Variants in NFKBIB observed in about 807,000 individuals in gnomAD.
The protein encoded by NFKBIB is NF-kappa-B inhibitor beta.
A neutral mutation model predicts 32.1 loss-of-function variants in NFKBIB; 16 were observed. That is an observed-to-expected ratio of 0.50 (90% confidence interval 0.34 to 0.76). NFKBIB has a LOEUF of 0.76. Ranked by LOEUF, NFKBIB falls within the 30% of genes least tolerant of loss-of-function variation. The pLI is 0.01. For missense variants in NFKBIB, 437 were observed against 514.9 expected, an observed-to-expected ratio of 0.85 and a Z score of 1.46; for synonymous variants, 222 against 219.5, an observed-to-expected ratio of 1.01 and a Z score of -0.10.
At chr19:38,906,626 T>C (rs975505238) in intron 3 of NFKBIB, among the ~76,000 whole-genome samples, 1 of 151,804 alleles carries the variant, frequency 6.6e-6, no homozygotes, top group African/African-American at 2.4e-5. Context: ...CCCGCCACCA[T>C]GCCCAGCTAA....
Position 38,907,572 on chromosome 19 carries a change from T to G in NFKBIB, c.882T>G (p.Arg294=), listed in dbSNP as rs1427045539. The G allele has an allele frequency of 6.2e-7, 1 of 1,612,506 alleles. No homozygotes were observed. The highest frequency in any genetic ancestry group is 1.1e-5 in the South Asian group (1 of 91,044). The part of the protein sequence containing the change: ...RPNPILARLL[R]AHGAPEPEGE... ...ACCCCATCCTCGCCCGCCTCCTCCG[T>G]GCACACGGAGCCCCTGAGCCCGAGG... Residue 294 remains arginine (R), a synonymous_variant, in exon 5 of 6, where the codon CGT becomes CGG. Coordinates refer to ENST00000313582, the MANE Select transcript of NFKBIB (RefSeq NM_002503.5).
intron 1 of NFKBIB, among the ~76,000 whole-genome samples, chr19:38,901,729 G>A (rs893276007): frequency 1.3e-5 from 2 of 152,050 alleles, no homozygotes; most frequent in African/African-American, 2.4e-5. Context: ...CTGACCTCAG[G>A]TGATCCACCC....
At position 38,900,156 on chromosome 19, in the gene NFKBIB, C is replaced by T; in HGVS notation, c.124C>T (p.Pro42Ser). The T allele has an allele frequency of 6.2e-7, 1 of 1,601,026 alleles. No homozygotes were observed. The highest frequency in any genetic ancestry group is 1.1e-5 in the South Asian group (1 of 88,576). The change falls in exon 1 of 6, where the codon CCG becomes TCG. Residue 42 changes from proline to serine, a missense_variant. Pro to Ser is a moderately conservative substitution (Grantham distance 74, BLOSUM62 -1). Transcript: ENST00000313582. Reference protein sequence around the residue: ...GGPGLGAELGPGLSWAPLVFG... With the variant: ...GGPGLGAELGSGLSWAPLVFG... Reference sequence around the variant, plus strand: ...ACCTGGGTTGGGCGCGGAGTTGGGCCCGGGGCTGTCGTGGGCTCCCCTCGT... The same window carrying T: ...ACCTGGGTTGGGCGCGGAGTTGGGCTCGGGGCTGTCGTGGGCTCCCCTCGT...
intron 3 of NFKBIB, among the ~76,000 whole-genome samples, chr19:38,906,519 G>C (rs1355360886): frequency 1.4e-5 from 2 of 141,952 alleles, no homozygotes; most frequent in Non-Finnish European, 3.0e-5. Flanking sequence ...GCCCAGGCTG[G>C]AGTGCAGTGG....
At position 38,907,309 on chromosome 19, in the gene NFKBIB, G is replaced by A. The variant is rs1471237670; in HGVS notation, c.708G>A (p.Pro236=). 4 of 1,612,582 alleles carry A rather than the reference G, an allele frequency of 2.5e-6. No individual in the cohort carries two copies. The highest frequency in any genetic ancestry group is 1.7e-5 in the Admixed American group (1 of 59,980). Residue 236 remains proline (P), a splice_region_variant and synonymous_variant, in exon 4 of 6, where the codon CCG becomes CCA. Coordinates refer to ENST00000313582, the MANE Select transcript of NFKBIB (RefSeq NM_002503.5). ...LRDAGADLDK[P]EPTCGRSPLH... Reference sequence around the variant, plus strand: ...ATGCTGGAGCTGACCTTGACAAACCGGTGAGCCCCAACCTCGGGGAAGATG... The same window carrying A: ...ATGCTGGAGCTGACCTTGACAAACCAGTGAGCCCCAACCTCGGGGAAGATG...
At chr19:38,903,233 A>G (rs1974021218) in intron 1 of NFKBIB, among the ~76,000 whole-genome samples, 1 of 152,170 alleles carries the variant, frequency 6.6e-6, no homozygotes, top group African/African-American at 2.4e-5. Flanking sequence ...ATCATGGGCT[A>G]CCTTAAAGTG....
chr19:38,907,715 G>C lies in NFKBIB; in HGVS notation c.969+56G>C, dbSNP rs1000176229. The C allele has an allele frequency of 4.6e-6, 7 of 1,507,394 alleles. No homozygotes were observed. In the Admixed American group the frequency reaches 6.8e-5, roughly 15 times the overall value. 93.4% of individuals were successfully genotyped at this position (1,507,394 alleles called of 1,614,324 possible). ...GCTGGGGGGTCAGGATAGACCGGCAGGCAAGAAGCCCAAGAAGATAATTAG... is the reference window on the plus strand; with the variant it reads ...GCTGGGGGGTCAGGATAGACCGGCACGCAAGAAGCCCAAGAAGATAATTAG... On this transcript the variant is annotated intron_variant, in intron 5 of 5. Coordinates refer to ENST00000313582, the MANE Select transcript of NFKBIB (RefSeq NM_002503.5).
At chr19:38,899,904 C>T (rs1973883414), upstream of NFKBIB, 1 of 979,396 alleles carries the variant, frequency 1.0e-6, no homozygotes, top group Non-Finnish European at 1.5e-6. Context: ...GTGAGCGATT[C>T]AGCATATTAT....
chr19:38,900,136 G>A lies in NFKBIB; in HGVS notation c.104G>A (p.Gly35Glu). Residue 35 changes from glycine (G) to glutamate (E), a missense_variant, in exon 1 of 6, where the codon GGG (glycine) becomes GAG (glutamate). By Grantham distance (98) the Gly-to-Glu change is moderately conservative. Transcript: ENST00000313582. ...GPDAAAPGGP[G>E]LGAELGPGLS... ...GACGCAGCGGCCCCCGGAGGACCTG[G>A]GTTGGGCGCGGAGTTGGGCCCGGGG... is the stretch of plus-strand genomic sequence containing the variant. The A allele has an allele frequency of 6.3e-7, 1 of 1,595,176 alleles. No homozygotes were observed. Among genetic ancestry groups the A allele is most frequent in the Non-Finnish European group, 8.5e-7 (1 of 1,173,716 alleles).
At chr19:38,908,468 G>A (rs1260990341) in intron 5 of NFKBIB, 58 of 1,030,680 alleles carry the variant, frequency 5.6e-5, no homozygotes, top group Non-Finnish European at 7.0e-5. Flanking sequence ...GAACCTGGGA[G>A]GTGGAGGTTG....
In NFKBIB at chr19:38,905,570, G is replaced by C. The variant is rs376258456; in HGVS notation, c.619+35G>C. 3 of 1,534,718 alleles carry C rather than the reference G, an allele frequency of 2.0e-6. No individual in the cohort carries two copies. Among genetic ancestry groups the C allele is most frequent in the African/African-American group, 1.4e-5 (1 of 72,640 alleles). On this transcript the variant is annotated intron_variant, in intron 3 of 5. Transcript: ENST00000313582. This position sits in a 1 kb window ranked among gnomAD's most constrained non-coding sequence, Gnocchi z 5.5. ...GTCACCAGGGAAGGACTCAGCTCCT[G>C]GGCTAGGCGAGAGCACCTGGCCCTG...
chr19:38,904,959 T>C (rs1974068992), intron 1 of NFKBIB, 56 bp from the exon 2 acceptor site: 3 of 1,538,860 alleles, frequency 1.9e-6, no homozygotes, highest in Non-Finnish European at 2.7e-6. Flanking sequence ...GTTTGTTCAA[T>C]GAAGGAATGC....
rs1973932920 is a variant in NFKBIB at position 38,900,872 on chromosome 19, T to A, written c.179+661T>A. Among the ~76,000 whole-genome samples, 4 of 152,258 alleles carry A rather than the reference T, an allele frequency of 2.6e-5. No individual in the cohort carries two copies. The South Asian group carries it at 8.3e-4, about 32-fold the overall frequency. Reference sequence around the variant, plus strand: ...AACTTAAGCCCTTGTGGAGCATACATTTTAGTGGAGCTAAATAAACAGATT... The same window carrying A: ...AACTTAAGCCCTTGTGGAGCATACAATTTAGTGGAGCTAAATAAACAGATT... On this transcript the variant is annotated intron_variant, in intron 1 of 5. Transcript: ENST00000313582.
intron 1 of NFKBIB, among the ~76,000 whole-genome samples, chr19:38,902,241 T>C (rs1245417361): frequency 1.3e-5 from 2 of 151,974 alleles, no homozygotes; most frequent in Non-Finnish European, 2.9e-5. Context: ...CCACTTCGCC[T>C]GGCTAATTTT....
In NFKBIB at chr19:38,899,985, C is replaced by G; in HGVS notation, c.-48C>G. 7.0e-7 allele frequency: 1 copy of G among 1,438,626 alleles called. No homozygotes were observed. Among genetic ancestry groups the G allele is most frequent in the South Asian group, 1.5e-5 (1 of 68,622 alleles). The allele number at this position is 1,438,626 out of a possible 1,614,324, so 89.1% of individuals were successfully genotyped here. A position where few individuals can be genotyped will look rare whatever the true frequency, so the allele number is the denominator to read the frequency against. On this transcript the variant is annotated 5_prime_UTR_variant, in exon 1 of 6. Coordinates refer to ENST00000313582, the MANE Select transcript of NFKBIB (RefSeq NM_002503.5). ...GAAGCTCCAGAACTCCCGGCAAAGC[C>G]CAGCTACAGGCGGGCGACTGCGGGG...
In NFKBIB at chr19:38,907,279, C is replaced by G. The variant is rs772141210; in HGVS notation, c.678C>G (p.Leu226=). 3 of 1,613,750 alleles carry G rather than the reference C, an allele frequency of 1.9e-6. No homozygotes were observed. The Admixed American group carries it at 5.0e-5, about 27-fold the overall frequency. ...AAGATGTGGAGATGGTCCGGCTGCT[C>G]CGAGATGCTGGAGCTGACCTTGACA... is the stretch of plus-strand genomic sequence containing the variant. The part of the protein sequence containing the change: ...IHKDVEMVRL[L]RDAGADLDKP... The change falls in exon 4 of 6, where the codon CTC becomes CTG. Residue 226 remains leucine, a synonymous_variant. Transcript: ENST00000313582.
intron 5 of NFKBIB, chr19:38,908,479 C>T (rs1242576414): frequency 3.7e-6 from 4 of 1,084,330 alleles, no homozygotes; most frequent in Admixed American, 4.5e-5. Context: ...GTGGAGGTTG[C>T]AGTGAACCTA....
At position 38,904,349 on chromosome 19, in the gene NFKBIB, G is replaced by A. The variant is rs17884772; in HGVS notation, c.180-666G>A. Among the ~76,000 whole-genome samples, 702 of 152,202 alleles carry A rather than the reference G, an allele frequency of 4.6e-3. 4 individuals carry two copies. Among genetic ancestry groups the A allele is most frequent in the African/African-American group, 0.016 (675 of 41,514 alleles). Reference sequence around the variant, plus strand: ...CTATTCCTGGCCCTGTGTGAGTAACGAGCACTTTTCTGAAATCCTTTTGGA... The same window carrying A: ...CTATTCCTGGCCCTGTGTGAGTAACAAGCACTTTTCTGAAATCCTTTTGGA... On this transcript the variant is annotated intron_variant, in intron 1 of 5. Coordinates refer to ENST00000313582, the MANE Select transcript of NFKBIB (RefSeq NM_002503.5).
At position 38,907,211 on chromosome 19, in the gene NFKBIB, C is replaced by T; in HGVS notation, c.620-10C>T. 1 of 1,604,362 alleles carries T rather than the reference C, an allele frequency of 6.2e-7. No individual in the cohort carries two copies. Among genetic ancestry groups the T allele is most frequent in the Middle Eastern group, 1.7e-4 (1 of 6,026 alleles). ...ACCTCATCATCTGACGCCAATCACT[C>T]TGTCCCCAGGCCACACCCCACTCCA... On this transcript the variant is annotated splice_polypyrimidine_tract_variant and intron_variant, in intron 3 of 5. Coordinates refer to ENST00000313582, the MANE Select transcript of NFKBIB (RefSeq NM_002503.5).
Sources: gnomAD v4.1 joint callset for allele counts (sites outside exome capture counted in the v4.1 genomes callset) on GRCh38, gnomAD v4.1.1 for gene constraint, Gnocchi (gnomAD v3.1) non-coding constraint, MANE v1.5 for transcripts, NCBI Gene and HGNC (gene_info 2026-07-23, HGNC 2026-07-21) for gene names.